Variants in MTMR10 observed in about 807,000 individuals in gnomAD.
MTMR10 encodes myotubularin related protein 10.
Under a neutral mutation model 88.1 loss-of-function variants are expected in MTMR10, and 56 were observed. That is an observed-to-expected ratio of 0.64 (90% CI 0.51 to 0.79). MTMR10 has a LOEUF of 0.79. Among genes scored for constraint, MTMR10 ranks in the 30% least tolerant of loss-of-function variants. The pLI, the probability that MTMR10 is intolerant of heterozygous loss-of-function variation, is 0.00. For missense variants in MTMR10, 883 were observed against 924.7 expected (o/e 0.95, Z 0.58); for synonymous variants, 380 against 340.9 (o/e 1.11, Z -1.26).
chr15:30,936,337 G>A (rs2062851688), downstream of MTMR10, among the ~76,000 whole-genome samples: 1 of 152,190 alleles, frequency 6.6e-6, no homozygotes. Flanking sequence ...AATGTCCCAG[G>A]CAGCGGGAAC....
intron 5 of MTMR10, among the ~76,000 whole-genome samples, chr15:30,972,942 T>C (rs2063554847): frequency 6.6e-6 from 1 of 152,216 alleles, no homozygotes; most frequent in Non-Finnish European, 1.5e-5. Flanking sequence ...AGGAATATGC[T>C]GTCCTAACTC....
rs60204414 is a variant in MTMR10 at position 30,963,658 on chromosome 15, T to TAGATAGACAGAC, written c.566-2597_566-2586dup. ...TCTCAAAAATAAATAGACAGATAGA[T>TAGATAGACAGAC]AGATAGACAGACAGATAGATAGATA... On this transcript the variant is annotated intron_variant, in intron 6 of 15. Coordinates refer to ENST00000435680, the MANE Select transcript of MTMR10 (RefSeq NM_017762.3). Among the ~76,000 whole-genome samples the TAGATAGACAGAC allele has an allele frequency of 6.9e-3, 1,040 of 150,812 alleles. 10 individuals are homozygous for TAGATAGACAGAC. The highest frequency in any genetic ancestry group is 0.024 in the African/African-American group (979 of 41,342).
intron 15 of MTMR10, chr15:30,942,674 A>G (rs1439187503): frequency 1.2e-5 from 6 of 508,208 alleles, no homozygotes; most frequent in African/African-American, 2.0e-5. Context: ...CAAAGCTGCA[A>G]TCTGCCCACT....
At chr15:30,971,378 G>A (rs751287466) in intron 5 of MTMR10, among the ~76,000 whole-genome samples, 1 of 152,122 alleles carries the variant, frequency 6.6e-6, no homozygotes, top group Non-Finnish European at 1.5e-5. Flanking sequence ...CACCTGGGGT[G>A]CAGTACTGAA....
chr15:30,963,666 C>CAGACAGATAGATAGAT (rs2063436268), intron 6 of MTMR10, among the ~76,000 whole-genome samples: 1 of 148,806 alleles, frequency 6.7e-6, no homozygotes, highest in African/African-American at 2.4e-5. Context: ...GATAGATAGA[C>CAGACAGATAGATAGAT]AGACAGATAG....
At chr15:30,933,692 T>C in the MTMR10 span, among the ~76,000 whole-genome samples, 1 of 152,216 alleles carries the variant, frequency 6.6e-6, no homozygotes, top group Non-Finnish European at 1.5e-5. Context: ...TCTTATTTAC[T>C]TGTTCTATAA....
chr15:30,969,122 G>C (rs1310972029), intron 5 of MTMR10, among the ~76,000 whole-genome samples: 1 of 152,118 alleles, frequency 6.6e-6, no homozygotes, highest in East Asian at 1.9e-4. Context: ...GTGGGTTGAT[G>C]CACATTTCAT....
chr15:30,982,799 C>T (rs1406351358), intron 2 of MTMR10, among the ~76,000 whole-genome samples: 5 of 152,092 alleles, frequency 3.3e-5, no homozygotes, highest in Non-Finnish European at 4.4e-5. Context: ...TGTCTGCTCA[C>T]GTAAGTCATT....
intron 10 of MTMR10, among the ~76,000 whole-genome samples, chr15:30,954,297 G>A (rs1251627562): frequency 1.3e-5 from 2 of 152,138 alleles, no homozygotes; most frequent in Non-Finnish European, 2.9e-5. Context: ...CACCAAAGAT[G>A]CTTTCATGTG....
chr15:30,923,872 C>T, the MTMR10 span, among the ~76,000 whole-genome samples: 1 of 152,108 alleles, frequency 6.6e-6, no homozygotes, highest in African/African-American at 2.4e-5. Context: ...TAAAATACAG[C>T]ATTTTAGCCA....
intron 14 of MTMR10, 50 bp downstream of exon 14, chr15:30,947,080 T>A (rs527655169): frequency 2.0e-6 from 3 of 1,532,508 alleles, no homozygotes; most frequent in African/African-American, 2.8e-5. Context: ...TATGCCTCGA[T>A]AAAGTTGTAA....
At chr15:30,968,896 T>C (rs1204114609) in intron 5 of MTMR10, among the ~76,000 whole-genome samples, 4 of 152,148 alleles carry the variant, frequency 2.6e-5, no homozygotes, top group Non-Finnish European at 4.4e-5. Flanking sequence ...TTACAAACCC[T>C]GGTAGTCACT....
At chr15:30,974,886 C>T in intron 4 of MTMR10, 45 bp downstream of exon 4, 1 of 1,260,854 alleles carries the variant, frequency 7.9e-7, no homozygotes, top group African/African-American at 1.5e-5. Context: ...AATAATACTT[C>T]CAGAGTGGAA....
intron 2 of MTMR10, among the ~76,000 whole-genome samples, chr15:30,989,320 G>A (rs561651890): frequency 6.6e-6 from 1 of 152,280 alleles, no homozygotes; most frequent in South Asian, 2.1e-4. Flanking sequence ...AGTACACACT[G>A]TTGAGTGAAA....
At chr15:30,960,317 A>G (rs2141022267) in intron 7 of MTMR10, among the ~76,000 whole-genome samples, 1 of 152,330 alleles carries the variant, frequency 6.6e-6, no homozygotes, top group East Asian at 1.9e-4. Flanking sequence ...ACTCCACAGG[A>G]GAACACAGAA....
chr15:30,942,891 TTTG>T lies in MTMR10; in HGVS notation c.1727_1729del (p.Thr576del), dbSNP rs1164181472. ...CACGTTTTGTTAGCTGTGATTTACC[TTTG>T]TCCGTTTAAAAGACTTCACGGAGCC... is the stretch of plus-strand genomic sequence containing the variant. On this transcript the variant is annotated inframe_deletion and splice_region_variant, in exon 15 of 16. Coordinates refer to ENST00000435680, the MANE Select transcript of MTMR10 (RefSeq NM_017762.3). The T allele has an allele frequency of 6.4e-7, 1 of 1,559,954 alleles. No individual in the cohort carries two copies. Among genetic ancestry groups the T allele is most frequent in the South Asian group, 1.2e-5 (1 of 83,730 alleles).
At chr15:30,937,946 CTGAG>C (rs1432221524), downstream of MTMR10, among the ~76,000 whole-genome samples, 2 of 150,868 alleles carry the variant, frequency 1.3e-5, no homozygotes, top group Non-Finnish European at 3.0e-5. Flanking sequence ...CTTTGGGAGG[CTGAG>C]CGAGGCAGGC....
chr15:30,961,835 T>C (rs965066817), intron 6 of MTMR10, among the ~76,000 whole-genome samples: 3 of 152,194 alleles, frequency 2.0e-5, no homozygotes, highest in Admixed American at 6.5e-5. Context: ...ATCCCTACCA[T>C]TCTAACAGAA....
downstream of MTMR10, chr15:30,937,091 T>C (rs1566937141): frequency 6.3e-7 from 1 of 1,599,258 alleles, no homozygotes; most frequent in Admixed American, 1.7e-5. Context: ...AAGATACTAA[T>C]AACAACTTTT....
Sources: gnomAD v4.1 joint callset for allele counts (sites outside exome capture counted in the v4.1 genomes callset) on GRCh38, gnomAD v4.1.1 for gene constraint, MANE v1.5 for transcripts, NCBI Gene and HGNC (gene_info 2026-07-23, HGNC 2026-07-21) for gene names.